EXOC4: variants seen among roughly 807,000 people sequenced by gnomAD.
EXOC4 encodes the protein exocyst complex component 4.
Under a neutral mutation model 107.2 loss-of-function variants are expected in EXOC4, and 71 were observed. The observed-to-expected ratio is 0.66, with a 90% confidence interval of 0.55 to 0.81. EXOC4 has a LOEUF of 0.81. Ranked by LOEUF, EXOC4 falls within the 30% of genes least tolerant of loss-of-function variation. EXOC4 has a pLI of 0.00. For synonymous variants in EXOC4, 456 were observed against 441.2 expected, an observed-to-expected ratio of 1.03 and a Z score of -0.42; for missense variants, 1,108 against 1,189.6, an observed-to-expected ratio of 0.93 and a Z score of 1.01.
chr7:133,879,601 CT>C lies in EXOC4; in HGVS notation c.1735-15996del, dbSNP rs1226935249. 5.3e-5 allele frequency among the ~76,000 whole-genome samples: 8 copies of C among 152,146 alleles called. No homozygotes were observed. In the South Asian group the frequency reaches 6.2e-4, roughly 12 times the overall value. ...AAATGAGTTTTGTCTGACTTTCTCT[CT>C]TCATTGATTTTTCATATTTTTCATT... On this transcript the variant is annotated intron_variant, in intron 11 of 17. Transcript: ENST00000253861.
chr7:133,971,526 T>C lies in EXOC4; in HGVS notation c.2207-25966T>C, dbSNP rs1230207180. On this transcript the variant is annotated intron_variant, in intron 14 of 17. Coordinates refer to ENST00000253861, the MANE Select transcript of EXOC4 (RefSeq NM_021807.4). ...TCTTATAGAAGATTGTCTTACCTCT[T>C]ATTTTTTATTAAATAGATTTTTCTA... Among the ~76,000 whole-genome samples the C allele has an allele frequency of 2.0e-5, 3 of 151,934 alleles. No individual in the cohort carries two copies. In the South Asian group the frequency reaches 6.3e-4, roughly 32 times the overall value.
intron 9 of EXOC4, among the ~76,000 whole-genome samples, chr7:133,540,067 G>A (rs1488895061): frequency 2.0e-5 from 3 of 152,074 alleles, no homozygotes; most frequent in Non-Finnish European, 1.5e-5. Flanking sequence ...GGAGCAGTTC[G>A]CTATTTGCTG....
intron 10 of EXOC4, among the ~76,000 whole-genome samples, chr7:133,724,114 T>C (rs1795165969): frequency 6.6e-6 from 1 of 152,212 alleles, no homozygotes; most frequent in African/African-American, 2.4e-5. Flanking sequence ...TGATAGATTA[T>C]TGATTATAAT....
intron 17 of EXOC4, among the ~76,000 whole-genome samples, chr7:134,016,893 A>ATGTG (rs1794921488): frequency 6.6e-6 from 1 of 152,202 alleles, no homozygotes; most frequent in Non-Finnish European, 1.5e-5. Context: ...ACAGACAGCC[A>ATGTG]GACTGAGAAT....
chr7:133,862,139 C>T (rs1461186049), intron 11 of EXOC4, among the ~76,000 whole-genome samples: 2 of 151,366 alleles, frequency 1.3e-5, no homozygotes, highest in Non-Finnish European at 2.9e-5. Context: ...TCATATGGTT[C>T]ATGTCTTTAG....
intron 10 of EXOC4, among the ~76,000 whole-genome samples, chr7:133,809,913 C>T (rs918426200): frequency 6.6e-6 from 1 of 152,122 alleles, no homozygotes; most frequent in East Asian, 1.9e-4. Context: ...GAAATTTGTA[C>T]CTTTGATTTT....
chr7:133,808,584 C>T (rs900970351), intron 10 of EXOC4, among the ~76,000 whole-genome samples: 8 of 152,096 alleles, frequency 5.3e-5, no homozygotes, highest in African/African-American at 1.9e-4. Flanking sequence ...CTTAAAGGAG[C>T]CCTGTTTGCT....
intron 11 of EXOC4, among the ~76,000 whole-genome samples, chr7:133,884,609 G>C (rs1429814305): frequency 6.6e-6 from 1 of 151,652 alleles, no homozygotes. Context: ...GTGTGTGTGT[G>C]TGTGTGTGTG....
intron 3 of EXOC4, among the ~76,000 whole-genome samples, chr7:133,299,009 A>G (rs1444299793): frequency 2.0e-5 from 3 of 152,182 alleles, no homozygotes; most frequent in Non-Finnish European, 4.4e-5. Context: ...TGTATTGCCA[A>G]ATGGAAAAAA....
chr7:133,267,908 G>A (rs1271458004), intron 1 of EXOC4, among the ~76,000 whole-genome samples: 1 of 152,046 alleles, frequency 6.6e-6, no homozygotes, highest in African/African-American at 2.4e-5. Context: ...AATGTACCAG[G>A]CACTGTAAGA....
At chr7:133,559,843 A>C (rs1250893400) in intron 9 of EXOC4, among the ~76,000 whole-genome samples, 4 of 152,100 alleles carry the variant, frequency 2.6e-5, no homozygotes, top group African/African-American at 9.7e-5. Context: ...TTTGGTTACC[A>C]GTTGAAAAAT....
intron 9 of EXOC4, among the ~76,000 whole-genome samples, chr7:133,513,319 T>C (rs1474766661): frequency 1.3e-5 from 2 of 152,192 alleles, no homozygotes; most frequent in Non-Finnish European, 2.9e-5. Context: ...TCCATCGCCT[T>C]GGCCTCCCAA....
intron 5 of EXOC4, among the ~76,000 whole-genome samples, chr7:133,330,761 C>T (rs779110404): frequency 2.0e-5 from 3 of 152,018 alleles, no homozygotes; most frequent in Non-Finnish European, 4.4e-5. Context: ...CTTGCTTTGG[C>T]TCGCCCTTGG....
chr7:133,799,322 C>A (rs533237942), intron 10 of EXOC4, among the ~76,000 whole-genome samples: 2 of 152,186 alleles, frequency 1.3e-5, no homozygotes, highest in Non-Finnish European at 2.9e-5. Context: ...TGAAAGACAT[C>A]CAGGAGCTGA....
rs112373928 is a variant in EXOC4 at position 134,063,547 on chromosome 7, C to A, written c.2688-744C>A. 3.3e-3 allele frequency among the ~76,000 whole-genome samples: 501 copies of A among 152,132 alleles called. 1 individual carries two copies. Among genetic ancestry groups the A allele is most frequent in the East Asian group, 0.028 (144 of 5,180 alleles). On this transcript the variant is annotated intron_variant, in intron 17 of 17. Transcript: ENST00000253861. ...TATCTGGGAAAAGGGAGGTGTAGCC[C>A]CTGGGTGGAGTGAGGGGTAAGTGGC... is the stretch of plus-strand genomic sequence containing the variant.
intron 7 of EXOC4, among the ~76,000 whole-genome samples, chr7:133,392,235 TTGA>T (rs1485082785): frequency 1.3e-5 from 2 of 152,192 alleles, no homozygotes; most frequent in Non-Finnish European, 2.9e-5. Flanking sequence ...CTGGGCCCTG[TTGA>T]TGATCTGTTC....
At chr7:134,007,940 A>G in intron 17 of EXOC4, 105 bp downstream of exon 17, 1 of 1,062,818 alleles carries the variant, frequency 9.4e-7, no homozygotes, top group Middle Eastern at 2.1e-4. Flanking sequence ...AGCTTAGTTT[A>G]AAAAAAGAAA....
intron 10 of EXOC4, among the ~76,000 whole-genome samples, chr7:133,661,228 G>A (rs893852752): frequency 3.3e-5 from 5 of 152,198 alleles, no homozygotes; most frequent in Admixed American, 1.3e-4. Flanking sequence ...CAGAGCCACT[G>A]TATATGTGCC....
chr7:133,368,889 A>G (rs924697464), intron 6 of EXOC4, among the ~76,000 whole-genome samples: 2 of 152,198 alleles, frequency 1.3e-5, no homozygotes, highest in Admixed American at 6.5e-5. Flanking sequence ...AATTCAGCTT[A>G]AGGAATCCTG....
Sources: allele counts gnomAD v4.1 joint callset (sites outside exome capture counted in the v4.1 genomes callset), GRCh38; gene constraint gnomAD v4.1.1; transcripts MANE v1.5; gene names NCBI Gene and HGNC (gene_info 2026-07-23, HGNC 2026-07-21).